PIEZO1: variants seen among roughly 807,000 people sequenced by gnomAD.
PIEZO1 encodes the protein piezo-type mechanosensitive ion channel component 1.
In PIEZO1, 296 loss-of-function variants were observed where a neutral mutation model predicts 297.2. That is an observed-to-expected ratio of 1.00 (90% confidence interval 0.91 to 1.10). PIEZO1 has a LOEUF of 1.10. Among genes scored for constraint, PIEZO1 ranks in the 50% least tolerant of loss-of-function variants. The pLI, the probability that PIEZO1 is intolerant of heterozygous loss-of-function variation, is 0.00. For synonymous variants in PIEZO1, 2,427 were observed against 1,507.5 expected (o/e 1.61, Z -14.13); for missense variants, 5,018 against 3,455.5 (o/e 1.45, Z -11.34).
At chr16:88,776,444 AAG>A (rs1907669113) in intron 1 of PIEZO1, among the ~76,000 whole-genome samples, 1 of 151,952 alleles carries the variant, frequency 6.6e-6, no homozygotes, top group African/African-American at 2.4e-5. Context: ...AAAAAAAAAA[AAG>A]AAGGGATGAG....
At chr16:88,752,457 GGGCGACA>G (rs1380048078) in intron 1 of PIEZO1, among the ~76,000 whole-genome samples, 1 of 152,254 alleles carries the variant, frequency 6.6e-6, no homozygotes, top group African/African-American at 2.4e-5. Context: ...ACTCCAGCCT[GGGCGACA>G]GGGTGAGATC....
chr16:88,758,320 T>G (rs529371275), intron 1 of PIEZO1, among the ~76,000 whole-genome samples: 1 of 152,188 alleles, frequency 6.6e-6, no homozygotes, highest in East Asian at 1.9e-4. Flanking sequence ...TTCCTGCCAC[T>G]CCCTGACAGA....
intron 44 of PIEZO1, chr16:88,718,741 C>G (rs1220875244): frequency 2.6e-5 from 4 of 152,424 alleles, no homozygotes; most frequent in Admixed American, 2.0e-4. Flanking sequence ...CAGGGTCTCA[C>G]TCTGTTGCCC....
chr16:88,726,526 G>A (rs761028404), intron 26 of PIEZO1, 21 bp downstream of exon 26: 83 of 1,546,262 alleles, frequency 5.4e-5, no homozygotes, highest in South Asian at 7.1e-5. Context: ...GCCCTCCCCC[G>A]CCACCGTCCT....
At position 88,715,966 on chromosome 16, in the gene PIEZO1, C is replaced by G. The variant is rs1911989551; in HGVS notation, c.7283G>C (p.Ser2428Thr). 6.5e-7 allele frequency: 1 copy of G among 1,549,932 alleles called. No homozygotes were observed. Among genetic ancestry groups the G allele is most frequent in the African/African-American group, 1.4e-5 (1 of 73,052 alleles). Residue 2428 changes from serine to threonine, a missense_variant, in exon 50 of 51, where the codon AGC becomes ACC. By Grantham distance (58) the Ser-to-Thr change is moderately conservative. Transcript: ENST00000301015. ...AGCCAGGAAGCCGAGGCTCGGTGGGCTGACCTTGTCACTGAAAATGACCAT... is the reference window on the plus strand; with the variant it reads ...AGCCAGGAAGCCGAGGCTCGGTGGGGTGACCTTGTCACTGAAAATGACCAT... ...LPMVIFSDKV[S>T]PPSLGFLAGY...
At chr16:88,765,047 G>T (rs947151339) in intron 1 of PIEZO1, among the ~76,000 whole-genome samples, 1 of 152,216 alleles carries the variant, frequency 6.6e-6, no homozygotes. Context: ...AGCGGTGCTG[G>T]ACCCAGGACA....
rs2096439365 is a variant in PIEZO1 at position 88,715,694 on chromosome 16, G to C, written c.7477C>G (p.Leu2493Val). 1 of 1,550,228 alleles carries C rather than the reference G, an allele frequency of 6.5e-7. No homozygotes were observed. The highest frequency in any genetic ancestry group is 8.7e-7 in the Non-Finnish European group (1 of 1,146,834). Residue 2493 changes from leucine to valine, a missense_variant, in exon 51 of 51, where the codon CTG becomes GTG. Coordinates refer to ENST00000301015, the MANE Select transcript of PIEZO1 (RefSeq NM_001142864.4). ...DIFLVRETRE[L>V]ELEEELYAKL... ...GCGTACAACTCCTCCTCCAGCTCCA[G>C]CTCCCGAGTCTCCCGCACCAGGAAG...
chr16:88,717,008 C>T lies in PIEZO1; in HGVS notation c.6660+15G>A. 6.5e-7 allele frequency: 1 copy of T among 1,549,908 alleles called. No individual in the cohort carries two copies. The highest frequency in any genetic ancestry group is 1.7e-4 in the Middle Eastern group (1 of 5,990). On this transcript the variant is annotated intron_variant, in intron 45 of 50. Transcript: ENST00000301015. ...CAGGGGATGGGAATGGACAGGCGGA[C>T]CCACACATGCTCACCTCATAGCCGC...
Position 88,721,726 on chromosome 16 carries a change from T to A in PIEZO1, c.5215A>T (p.Ile1739Phe). 2 of 1,540,438 alleles carry A rather than the reference T, an allele frequency of 1.3e-6. No homozygotes were observed. Among genetic ancestry groups the A allele is most frequent in the Non-Finnish European group, 1.8e-6 (2 of 1,142,578 alleles). Reference protein sequence around the residue: ...FWMTAIVFTEIAVVVKYLFQF... With the variant: ...FWMTAIVFTEFAVVVKYLFQF... ...AACAGGTACTTGACGACCACCGCGA[T>A]CTGTGGGGGAGGGGGCTCAGCACGC... is the stretch of plus-strand genomic sequence containing the variant. Residue 1739 changes from isoleucine to phenylalanine, a missense_variant and splice_region_variant, in exon 38 of 51, where the codon ATC becomes TTC. Transcript: ENST00000301015.
chr16:88,727,286 C>T lies in PIEZO1; in HGVS notation c.3302-94G>A, dbSNP rs150309391. The T allele has an allele frequency of 6.1e-4, 832 of 1,358,386 alleles. 11 individuals carry two copies. In the East Asian group the frequency reaches 0.019, roughly 32 times the overall value. 84.1% of individuals were successfully genotyped at this position (1,358,386 alleles called of 1,614,324 possible). A position where few individuals can be genotyped will look rare whatever the true frequency, so the allele number is the denominator to read the frequency against. On this transcript the variant is annotated intron_variant, in intron 23 of 50. Coordinates refer to ENST00000301015, the MANE Select transcript of PIEZO1 (RefSeq NM_001142864.4). ...CCACCTCCCACCCCAGGCCTGTCGGCGTGCAGCCGCTGGGAGCGGACACAC... is the reference window on the plus strand; with the variant it reads ...CCACCTCCCACCCCAGGCCTGTCGGTGTGCAGCCGCTGGGAGCGGACACAC...
intron 21 of PIEZO1, among the ~76,000 whole-genome samples, 160 bp from the exon 22 acceptor site, chr16:88,732,070 G>A (rs1904884255): frequency 7.7e-6 from 1 of 129,960 alleles, no homozygotes; most frequent in African/African-American, 2.8e-5. Context: ...GGCAGGAGTG[G>A]CTGGCAGTTG....
In PIEZO1 at chr16:88,723,932, C is replaced by G. The variant is rs772788410; in HGVS notation, c.4274G>C (p.Ser1425Thr). ...SGDYFLFESDSEEEEEAVPED... is the reference protein window; with the variant it reads ...SGDYFLFESDTEEEEEAVPED... ...AGGAACAGCCTCCTCCTCTTCCTCA[C>G]TGTCGGACTCAAACAGGAAGTAGTC... Residue 1425 changes from serine (S) to threonine (T), a missense_variant, in exon 31 of 51, where the codon AGT becomes ACT. Physicochemically the swap from Ser to Thr is moderately conservative, Grantham distance 58. Coordinates refer to ENST00000301015, the MANE Select transcript of PIEZO1 (RefSeq NM_001142864.4). 4 of 1,549,784 alleles carry G rather than the reference C, an allele frequency of 2.6e-6. No individual in the cohort carries two copies. In the African/African-American group the frequency reaches 4.1e-5, roughly 16 times the overall value.
At chr16:88,770,311 G>A (rs141850100) in intron 1 of PIEZO1, among the ~76,000 whole-genome samples, 8 of 152,166 alleles carry the variant, frequency 5.3e-5, no homozygotes, top group South Asian at 2.1e-4. Flanking sequence ...CCCATGACCC[G>A]GTCACACCTG....
chr16:88,721,361 G>T lies in PIEZO1; in HGVS notation c.5473C>A (p.Gln1825Lys). ...ACCCCTGGCCCCTCCTCGGCTCCCT[G>T]CTCCTCCTCGCCGCTCTTGTCATGC... is the stretch of plus-strand genomic sequence containing the variant. ...KEHDKSGEEE[Q>K]GAEEGPGVPA... The change falls in exon 39 of 51, where the codon CAG becomes AAG. Residue 1825 changes from glutamine (Q) to lysine (K), a missense_variant. Gln to Lys is a moderately conservative substitution (Grantham distance 53, BLOSUM62 1). Coordinates refer to ENST00000301015, the MANE Select transcript of PIEZO1 (RefSeq NM_001142864.4). 6.5e-7 allele frequency: 1 copy of T among 1,549,196 alleles called. No individual in the cohort carries two copies. The highest frequency in any genetic ancestry group is 8.7e-7 in the Non-Finnish European group (1 of 1,146,912).
intron 2 of PIEZO1, among the ~76,000 whole-genome samples, chr16:88,746,441 G>A (rs1906060468): frequency 6.6e-6 from 1 of 152,110 alleles, no homozygotes; most frequent in Non-Finnish European, 1.5e-5. Flanking sequence ...GGAGCACCAG[G>A]GTCTGTTCCC....
intron 22 of PIEZO1, among the ~76,000 whole-genome samples, chr16:88,728,250 G>C (rs963350578): frequency 6.6e-6 from 1 of 152,262 alleles, no homozygotes; most frequent in Non-Finnish European, 1.5e-5. Flanking sequence ...TGGCACTGCC[G>C]GCCCCCGGCC....
intron 2 of PIEZO1, chr16:88,743,526 C>A (rs958027768): frequency 2.2e-6 from 1 of 456,268 alleles, no homozygotes; most frequent in African/African-American, 2.0e-5. Flanking sequence ...TGGTGAATGT[C>A]ACCACCACAT....
chr16:88,728,293 G>A (rs949628729), intron 22 of PIEZO1, among the ~76,000 whole-genome samples: 6 of 152,390 alleles, frequency 3.9e-5, no homozygotes, highest in African/African-American at 9.6e-5. Context: ...GGCAGGGAGG[G>A]TCGGTCCCTA....
chr16:88,784,871 G>T, intron 1 of PIEZO1, 30 bp downstream of exon 1: 1 of 1,400,638 alleles, frequency 7.1e-7, no homozygotes, highest in Non-Finnish European at 9.4e-7. Flanking sequence ...GCCCCCTCCC[G>T]TCGCCCCCAG....
Sources: gnomAD v4.1 joint callset for allele counts (sites outside exome capture counted in the v4.1 genomes callset) on GRCh38, gnomAD v4.1.1 for gene constraint, MANE v1.5 for transcripts, NCBI Gene and HGNC (gene_info 2026-07-23, HGNC 2026-07-21) for gene names.